Variants in AVEN observed in about 807,000 individuals in gnomAD.
AVEN encodes the protein apoptosis and caspase activation inhibitor, also known as cell death regulator Aven.
Under a neutral mutation model 38.1 loss-of-function variants are expected in AVEN, and 41 were observed. That is an observed-to-expected ratio of 1.08 (90% CI 0.84 to 1.40). AVEN has a LOEUF of 1.40. AVEN is among the 40% of genes most tolerant of loss of function. The pLI is 0.00. For missense variants in AVEN, 605 were observed against 438.8 expected, an observed-to-expected ratio of 1.38 and a Z score of -3.38; for synonymous variants, 206 against 171.8, an observed-to-expected ratio of 1.20 and a Z score of -1.56.
intron 5 of AVEN, among the ~76,000 whole-genome samples, chr15:34,055,399 G>T (rs1389453647): frequency 6.6e-6 from 1 of 152,090 alleles, no homozygotes; most frequent in Non-Finnish European, 1.5e-5. Flanking sequence ...CAGCTACTCA[G>T]GAGGCTGAGG....
chr15:33,939,208 G>A (rs1229232076), intron 2 of AVEN, among the ~76,000 whole-genome samples: 1 of 152,180 alleles, frequency 6.6e-6, no homozygotes. Flanking sequence ...CAGGGAGGGA[G>A]GAAGAACCTC....
chr15:34,019,169 A>G (rs935536024), intron 1 of AVEN, among the ~76,000 whole-genome samples: 1 of 152,274 alleles, frequency 6.6e-6, no homozygotes, highest in African/African-American at 2.4e-5. Flanking sequence ...CAGTAAGTCC[A>G]GCTGGCTTCA....
chr15:33,867,951 G>A (rs1733337238), intron 4 of AVEN, 96 bp from the exon 5 acceptor site: 1 of 1,449,054 alleles, frequency 6.9e-7, no homozygotes, highest in Non-Finnish European at 9.2e-7. Flanking sequence ...ATCAAACTTT[G>A]TGACAGAGGA....
At chr15:33,962,369 C>T (rs1895222688) in intron 2 of AVEN, among the ~76,000 whole-genome samples, 1 of 152,132 alleles carries the variant, frequency 6.6e-6, no homozygotes, top group South Asian at 2.1e-4. Flanking sequence ...CATCCAGCTT[C>T]CCCAATTTCA....
Position 33,880,020 on chromosome 15 carries a change from T to C in AVEN, c.446-4025A>G, listed in dbSNP as rs12591618. On this transcript the variant is annotated intron_variant, in intron 2 of 5. Transcript: ENST00000306730. ...AATGGTTTTGTACTATATGTGAATA[T>C]ATAATAGCACCTGAAGGTAGATTTT... is the stretch of plus-strand genomic sequence containing the variant. Among the ~76,000 whole-genome samples the C allele has an allele frequency of 0.023, 3,549 of 152,206 alleles. 396 individuals carry two copies. In the East Asian group the frequency reaches 0.37, roughly 16 times the overall value.
At chr15:33,999,731 T>C (rs1897066684) in intron 2 of AVEN, among the ~76,000 whole-genome samples, 1 of 152,208 alleles carries the variant, frequency 6.6e-6, no homozygotes, top group Non-Finnish European at 1.5e-5. Context: ...TTATTATTAG[T>C]GGCTTCCTAA....
At chr15:33,861,068 T>A (rs201707235) in intron 11 of AVEN, 1 of 1,569,648 alleles carries the variant, frequency 6.4e-7, no homozygotes, top group Non-Finnish European at 8.7e-7. Flanking sequence ...CTGCCTGTTA[T>A]TTTTCTTAGA....
At chr15:33,924,121 C>G (rs185510496) in intron 2 of AVEN, among the ~76,000 whole-genome samples, 1 of 152,034 alleles carries the variant, frequency 6.6e-6, no homozygotes, top group Non-Finnish European at 1.5e-5. Context: ...AAACCAGTCT[C>G]TGGTGCCAAA....
At chr15:34,015,242 C>T (rs1400079016) in intron 1 of AVEN, among the ~76,000 whole-genome samples, 1 of 152,038 alleles carries the variant, frequency 6.6e-6, no homozygotes. Context: ...CCAGCACTTT[C>T]GGAGGCCAAG....
intron 1 of AVEN, among the ~76,000 whole-genome samples, chr15:34,003,540 G>A (rs1342071509): frequency 6.6e-6 from 1 of 152,142 alleles, no homozygotes; most frequent in Admixed American, 6.5e-5. Flanking sequence ...AAACTCAAAG[G>A]ACTTCAGGAT....
At chr15:34,069,871 A>G (rs943874854) in intron 2 of AVEN, among the ~76,000 whole-genome samples, 8 of 152,192 alleles carry the variant, frequency 5.3e-5, no homozygotes, top group African/African-American at 1.7e-4. Context: ...AATAAGTAAA[A>G]TATTAATATG....
chr15:34,028,059 A>G (rs1898577673), intron 1 of AVEN, among the ~76,000 whole-genome samples: 1 of 152,186 alleles, frequency 6.6e-6, no homozygotes, highest in Non-Finnish European at 1.5e-5. Flanking sequence ...TAAATTTCCT[A>G]GCAGAGCACT....
chr15:34,037,199 A>C (rs1487602037), intron 1 of AVEN, among the ~76,000 whole-genome samples: 9 of 152,086 alleles, frequency 5.9e-5, no homozygotes, highest in Non-Finnish European at 1.5e-5. Context: ...CACTCAATTC[A>C]ACTTAAAGAC....
At chr15:34,069,393 A>C (rs542939017) in intron 2 of AVEN, among the ~76,000 whole-genome samples, 1 of 152,292 alleles carries the variant, frequency 6.6e-6, no homozygotes, top group East Asian at 1.9e-4. Context: ...CGGAGGTTGA[A>C]GTGAGCTGAG....
intron 2 of AVEN, among the ~76,000 whole-genome samples, chr15:33,898,819 T>C (rs1275938434): frequency 6.6e-6 from 1 of 152,026 alleles, no homozygotes; most frequent in East Asian, 1.9e-4. Flanking sequence ...CAAAAAGACA[T>C]ATAAAGTGCT....
intron 1 of AVEN, among the ~76,000 whole-genome samples, chr15:34,022,841 T>C (rs1180458130): frequency 6.6e-6 from 1 of 152,206 alleles, no homozygotes; most frequent in Admixed American, 6.5e-5. Context: ...GCTACCTCTG[T>C]ACCACCACTG....
chr15:34,034,614 AT>A (rs1440990488), intron 1 of AVEN, among the ~76,000 whole-genome samples: 1 of 152,160 alleles, frequency 6.6e-6, no homozygotes, highest in African/African-American at 2.4e-5. Context: ...GTTTCCCAAA[AT>A]TTTTTTAGGC....
At chr15:33,914,214 TAA>T in intron 2 of AVEN, among the ~76,000 whole-genome samples, 1 of 152,110 alleles carries the variant, frequency 6.6e-6, no homozygotes, top group Non-Finnish European at 1.5e-5. Context: ...TTTTTCTTTA[TAA>T]AGTTTGAATG....
rs749188300 is a variant in AVEN, at chr15:34,063,557, C to G, written n.1127-125G>C. On this transcript the variant is annotated intron_variant and non_coding_transcript_variant, in intron 4 of 11. Coordinates refer to the AVEN transcript ENST00000675287. The surrounding 1 kb of genome is among the most constrained non-coding windows in gnomAD (Gnocchi z 4.1). ...CATCCTCCCGCAGGAGCACCTCCAC[C>G]ACTGGGAAGCCATCCCAAGCCACTG... 6 of 1,613,516 alleles carry G rather than the reference C, an allele frequency of 3.7e-6. No homozygotes were observed. Among genetic ancestry groups the G allele is most frequent in the Admixed American group, 1.7e-5 (1 of 59,998 alleles).
Sources: gnomAD v4.1 joint callset for allele counts (sites outside exome capture counted in the v4.1 genomes callset) on GRCh38, gnomAD v4.1.1 for gene constraint, Gnocchi (gnomAD v3.1) non-coding constraint, MANE v1.5 for transcripts, NCBI Gene and HGNC (gene_info 2026-07-23, HGNC 2026-07-21) for gene names.